The following LRP1B variants were observed in gnomAD, a reference collection of about 807,000 sequenced individuals.
The protein encoded by LRP1B is LDL receptor related protein 1B.
A neutral mutation model predicts 556.6 loss-of-function variants in LRP1B; 217 were observed. The observed-to-expected ratio is 0.39, with a 90% CI of 0.35 to 0.44. The LOEUF is 0.44. LRP1B is among the 20% of genes least tolerant of loss of function. LRP1B has a pLI of 1.00. For synonymous variants in LRP1B, 2,047 were observed against 1,865.8 expected, an observed-to-expected ratio of 1.10 and a Z score of -2.50; for missense variants, 5,053 against 5,620.8, an observed-to-expected ratio of 0.90 and a Z score of 3.23.
chr2:140,972,191 A>G (rs1696445642), intron 18 of LRP1B, among the ~76,000 whole-genome samples: 1 of 152,226 alleles, frequency 6.6e-6, no homozygotes, highest in African/African-American at 2.4e-5. Flanking sequence ...TAAGAATAAC[A>G]AGAAGACAAC....
intron 47 of LRP1B, among the ~76,000 whole-genome samples, chr2:140,532,951 C>T (rs187869258): frequency 7.9e-3 from 350 of 44,064 alleles, no homozygotes; most frequent in South Asian, 0.023. Flanking sequence ...TATATATACA[C>T]ATATATATCT....
At chr2:140,266,347 G>A (rs1682203460) in intron 86 of LRP1B, among the ~76,000 whole-genome samples, 1 of 151,934 alleles carries the variant, frequency 6.6e-6, no homozygotes, top group Non-Finnish European at 1.5e-5. Context: ...ATACTCATTG[G>A]CACTCTACTC....
chr2:140,976,502 C>CT (rs1696603854), intron 18 of LRP1B, among the ~76,000 whole-genome samples: 6 of 125,608 alleles, frequency 4.8e-5, no homozygotes, highest in African/African-American at 1.3e-4. Context: ...TTTTTTTTTT[C>CT]CTTTTTTTTT....
intron 1 of LRP1B, among the ~76,000 whole-genome samples, chr2:142,025,551 A>G (rs1703475192): frequency 6.6e-6 from 1 of 152,130 alleles, no homozygotes; most frequent in Admixed American, 6.6e-5. Flanking sequence ...AAAGAAGGAG[A>G]TATCAAGTGC....
rs1169568111 is a variant in LRP1B, at chr2:141,367,471, CTTTTTTTTTTTTTT to C, written c.344-112844_344-112831del. ...TGGATTGGTTTAGACATTTGAAATGCTTTTTTTTTTTTTTTTTTTTTTTTTTTTTGAGATGAAGT... is the reference window on the plus strand; with the variant it reads ...TGGATTGGTTTAGACATTTGAAATGCTTTTTTTTTTTTTTTGAGATGAAGT... On this transcript the variant is annotated intron_variant, in intron 3 of 90. Coordinates refer to ENST00000389484, the MANE Select transcript of LRP1B (RefSeq NM_018557.3). Among the ~76,000 whole-genome samples, 11 of 44,944 alleles carry C rather than the reference CTTTTTTTTTTTTTT, an allele frequency of 2.4e-4. 1 individual carries two copies. The South Asian group carries it at 9.1e-3, about 37-fold the overall frequency. The allele number at this position is 44,944 out of a possible 152,430, so 29.5% of individuals were successfully genotyped here. A position where few individuals can be genotyped will look rare whatever the true frequency, so the allele number is the denominator to read the frequency against.
intron 1 of LRP1B, among the ~76,000 whole-genome samples, chr2:141,832,537 T>C (rs1697148015): frequency 6.6e-6 from 1 of 151,786 alleles, no homozygotes; most frequent in African/African-American, 2.4e-5. Flanking sequence ...TTGAAATTAT[T>C]CTGATGAACA....
At chr2:140,992,240 A>G (rs1017702198) in intron 16 of LRP1B, among the ~76,000 whole-genome samples, 1 of 151,744 alleles carries the variant, frequency 6.6e-6, no homozygotes, top group Admixed American at 6.6e-5. Flanking sequence ...TCTCCAGGGG[A>G]AAAAAAACAC....
At chr2:141,713,192 T>C (rs1045564933) in intron 2 of LRP1B, among the ~76,000 whole-genome samples, 7 of 151,882 alleles carry the variant, frequency 4.6e-5, no homozygotes, top group Non-Finnish European at 8.8e-5. Context: ...CTGGACTTCA[T>C]TGTGAATTTT....
chr2:142,008,685 G>A (rs984380469), intron 1 of LRP1B, among the ~76,000 whole-genome samples: 6 of 151,860 alleles, frequency 4.0e-5, no homozygotes, highest in African/African-American at 1.5e-4. Flanking sequence ...CTTGATTACT[G>A]CATGATTTTT....
intron 14 of LRP1B, among the ~76,000 whole-genome samples, chr2:141,008,118 C>T (rs757335190): frequency 6.6e-6 from 1 of 151,008 alleles, no homozygotes; most frequent in Non-Finnish European, 1.5e-5. Context: ...GTAAAAATAT[C>T]CTCTTTAAAA....
chr2:141,722,773 G>GAT (rs1264162819), intron 2 of LRP1B, among the ~76,000 whole-genome samples: 1 of 150,552 alleles, frequency 6.6e-6, no homozygotes, highest in African/African-American at 2.4e-5. Context: ...TAGATAGATA[G>GAT]ATAGATCAAT....
Position 140,247,176 on chromosome 2 carries a change from A to G in LRP1B, c.13248-14T>C, listed in dbSNP as rs1469176801. 3 of 1,589,322 alleles carry G rather than the reference A, an allele frequency of 1.9e-6. No homozygotes were observed. In the African/African-American group the frequency reaches 4.0e-5, roughly 21 times the overall value. ...TTGGTGGAGCATCTAAAAATATCCAAACAACAAACAAAACAGATCAGCGAA... is the reference window on the plus strand; with the variant it reads ...TTGGTGGAGCATCTAAAAATATCCAGACAACAAACAAAACAGATCAGCGAA... On this transcript the variant is annotated splice_polypyrimidine_tract_variant and intron_variant, in intron 86 of 90. Transcript: ENST00000389484.
intron 50 of LRP1B, among the ~76,000 whole-genome samples, chr2:140,515,505 C>T (rs1301728053): frequency 6.6e-6 from 1 of 151,996 alleles, no homozygotes; most frequent in Non-Finnish European, 1.5e-5. Context: ...AGAAAACCTT[C>T]AAAAGTAAAA....
intron 7 of LRP1B, among the ~76,000 whole-genome samples, chr2:141,181,164 T>C (rs1454213190): frequency 6.6e-6 from 1 of 151,966 alleles, no homozygotes; most frequent in Non-Finnish European, 1.5e-5. Context: ...GGAGCTCTTG[T>C]ACACTTAACA....
At chr2:140,591,867 T>C (rs1335770751) in intron 43 of LRP1B, among the ~76,000 whole-genome samples, 1 of 152,220 alleles carries the variant, frequency 6.6e-6, no homozygotes, top group African/African-American at 2.4e-5. Context: ...AATTGAGAGA[T>C]GACTTTATCT....
At chr2:141,414,896 C>T (rs552482150) in intron 3 of LRP1B, among the ~76,000 whole-genome samples, 2 of 152,322 alleles carry the variant, frequency 1.3e-5, no homozygotes, top group African/African-American at 4.8e-5. Flanking sequence ...ATCTGGGCCT[C>T]CCAGGAGTTT....
intron 3 of LRP1B, among the ~76,000 whole-genome samples, chr2:141,383,997 T>C (rs1338082773): frequency 6.6e-6 from 1 of 152,182 alleles, no homozygotes; most frequent in African/African-American, 2.4e-5. Flanking sequence ...TGATCTTAAG[T>C]GTTCTTACCA....
At chr2:141,228,769 A>T (rs1382975050) in intron 6 of LRP1B, among the ~76,000 whole-genome samples, 1 of 152,150 alleles carries the variant, frequency 6.6e-6, no homozygotes, top group Non-Finnish European at 1.5e-5. Context: ...TAACACAGGT[A>T]GTTACTCCCC....
intron 2 of LRP1B, among the ~76,000 whole-genome samples, chr2:141,516,351 T>C (rs1048825744): frequency 6.6e-6 from 1 of 152,180 alleles, no homozygotes; most frequent in African/African-American, 2.4e-5. Context: ...TACCTGATAA[T>C]GAACTGTTCT....
Sources: gnomAD v4.1 joint callset for allele counts (sites outside exome capture counted in the v4.1 genomes callset) on GRCh38, gnomAD v4.1.1 for gene constraint, MANE v1.5 for transcripts, NCBI Gene and HGNC (gene_info 2026-07-23, HGNC 2026-07-21) for gene names.